SLC25A12: variants seen among roughly 807,000 people sequenced by gnomAD.
SLC25A12 encodes the protein electrogenic aspartate/glutamate antiporter SLC25A12, mitochondrial.
SLC25A12 carries 32 observed loss-of-function variants against 83.3 expected under a neutral mutation model. That is an observed-to-expected ratio of 0.38 (90% confidence interval 0.29 to 0.52). The LOEUF (loss-of-function observed/expected upper bound fraction) is 0.52. Ranked by LOEUF, SLC25A12 falls within the 20% of genes least tolerant of loss-of-function variation. The pLI, the probability that SLC25A12 is intolerant of heterozygous loss-of-function variation, is 0.84. For missense variants in SLC25A12, 611 were observed against 835.6 expected (o/e 0.73, Z 3.31); for synonymous variants, 267 against 291.1 (o/e 0.92, Z 0.84).
intron 5 of SLC25A12, among the ~76,000 whole-genome samples, chr2:171,839,299 A>G (rs942325053): frequency 6.6e-6 from 1 of 152,214 alleles, no homozygotes; most frequent in Non-Finnish European, 1.5e-5. Context: ...ACCCACACCT[A>G]AAGCCCATAG....
At chr2:171,868,226 C>A (rs1446772030) in intron 3 of SLC25A12, among the ~76,000 whole-genome samples, 1 of 151,318 alleles carries the variant, frequency 6.6e-6, no homozygotes, top group Non-Finnish European at 1.5e-5. Context: ...TTTCTAATTA[C>A]TAATGAGCAA....
chr2:171,806,845 C>T (rs1683844091), intron 13 of SLC25A12, among the ~76,000 whole-genome samples: 1 of 152,170 alleles, frequency 6.6e-6, no homozygotes, highest in Non-Finnish European at 1.5e-5. Context: ...ATAAGGACAC[C>T]GTACATCGTA....
chr2:171,809,763 A>G, intron 12 of SLC25A12, 77 bp from the exon 13 acceptor site: 1 of 1,008,158 alleles, frequency 9.9e-7, no homozygotes, highest in East Asian at 2.4e-5. Context: ...TTTCCAAGTC[A>G]GCAAAATATT....
intron 3 of SLC25A12, among the ~76,000 whole-genome samples, chr2:171,866,439 G>A (rs1244767414): frequency 6.9e-4 from 98 of 143,010 alleles, no homozygotes; most frequent in African/African-American, 2.5e-3. Context: ...CCTCCCGGAC[G>A]GGGCGGCTGG....
At chr2:171,881,647 A>G (rs1049392830) in intron 2 of SLC25A12, among the ~76,000 whole-genome samples, 29 of 152,086 alleles carry the variant, frequency 1.9e-4, no homozygotes, top group African/African-American at 6.3e-4. Flanking sequence ...AGAATGTTCT[A>G]TTTTTTTAAA....
At position 171,837,282 on chromosome 2, in the gene SLC25A12, G is replaced by C. The variant is rs756181662; in HGVS notation, c.466-15C>G. On this transcript the variant is annotated splice_polypyrimidine_tract_variant and intron_variant, in intron 5 of 17. Coordinates refer to ENST00000422440, the MANE Select transcript of SLC25A12 (RefSeq NM_003705.5). ...AATTGCAGCTCCTGTGAGGAAATTA[G>C]AAATAGGGCATTAAGCTGGTTAAAC... 8.1e-6 allele frequency: 13 copies of C among 1,613,730 alleles called. No individual in the cohort carries two copies. In the South Asian group the frequency reaches 1.3e-4, roughly 16 times the overall value.
intron 2 of SLC25A12, among the ~76,000 whole-genome samples, chr2:171,870,128 G>A (rs1172049985): frequency 6.6e-6 from 1 of 152,048 alleles, no homozygotes; most frequent in East Asian, 1.9e-4. Flanking sequence ...GCTTATAGTA[G>A]GCACTCAGTA....
Position 171,787,559 on chromosome 2 carries a change from C to A in SLC25A12, c.1835+12G>T, listed in dbSNP as rs1407152087. ...GTGATTTCTTTGTAAAGGAGTTGAG[C>A]AGCTGACTTACAGGCCTCCAAAATC... On this transcript the variant is annotated intron_variant, in intron 17 of 17. Transcript: ENST00000422440. The A allele has an allele frequency of 6.3e-7, 1 of 1,599,406 alleles. No homozygotes were observed. Among genetic ancestry groups the A allele is most frequent in the South Asian group, 1.1e-5 (1 of 90,760 alleles).
intron 14 of SLC25A12, among the ~76,000 whole-genome samples, chr2:171,792,940 A>T (rs1282090201): frequency 6.6e-6 from 1 of 152,208 alleles, no homozygotes; most frequent in African/African-American, 2.4e-5. Context: ...TATGGTGGCT[A>T]AATTTACGTA....
chr2:171,857,637 A>G (rs1685073650), intron 3 of SLC25A12, among the ~76,000 whole-genome samples: 1 of 152,104 alleles, frequency 6.6e-6, no homozygotes, highest in South Asian at 2.1e-4. Flanking sequence ...GTGAGCCAAG[A>G]TTGTGCCACT....
intron 13 of SLC25A12, among the ~76,000 whole-genome samples, chr2:171,801,136 A>C (rs575588634): frequency 3.6e-4 from 55 of 152,348 alleles, no homozygotes; most frequent in African/African-American, 1.3e-3. Context: ...TCATACACTT[A>C]TTAAAGGAAG....
intron 3 of SLC25A12, among the ~76,000 whole-genome samples, chr2:171,857,989 T>C (rs1340826790): frequency 6.6e-6 from 1 of 152,050 alleles, no homozygotes; most frequent in African/African-American, 2.4e-5. Flanking sequence ...TGAGTCCTAT[T>C]ATACTCAAGG....
intron 17 of SLC25A12, among the ~76,000 whole-genome samples, chr2:171,786,114 G>A (rs1260849680): frequency 1.3e-5 from 2 of 151,824 alleles, no homozygotes; most frequent in Non-Finnish European, 2.9e-5. Context: ...GGTGGCTCAC[G>A]CCTGTAATCC....
chr2:171,884,239 G>A (rs1054212343), intron 2 of SLC25A12, among the ~76,000 whole-genome samples: 69 of 149,302 alleles, frequency 4.6e-4, no homozygotes, highest in African/African-American at 1.7e-3. Context: ...CGCCCAGGCT[G>A]GAGTGCAATG....
chr2:171,848,739 G>A lies in SLC25A12; in HGVS notation c.326-4231C>T, dbSNP rs576369766. 2.6e-5 allele frequency among the ~76,000 whole-genome samples: 4 copies of A among 152,300 alleles called. No homozygotes were observed. The East Asian group carries it at 7.7e-4, about 29-fold the overall frequency. On this transcript the variant is annotated intron_variant, in intron 4 of 17. Transcript: ENST00000422440. ...AGACTTCTGGGTTCTCCTCTCAGAT[G>A]GTCATTAGTTTCCTGAATGACCTCC... is the stretch of plus-strand genomic sequence containing the variant.
At chr2:171,823,310 T>C (rs930837227) in intron 9 of SLC25A12, among the ~76,000 whole-genome samples, 1 of 152,188 alleles carries the variant, frequency 6.6e-6, no homozygotes. Context: ...ATAAAATCCA[T>C]TGATACATAC....
At chr2:171,809,462 A>T in intron 13 of SLC25A12, 144 bp downstream of exon 13, 2 of 745,116 alleles carry the variant, frequency 2.7e-6, no homozygotes, top group Non-Finnish European at 4.8e-6. Context: ...AATAAAATTT[A>T]AAACTTATTC....
intron 2 of SLC25A12, among the ~76,000 whole-genome samples, chr2:171,883,627 A>C (rs961726262): frequency 6.6e-5 from 10 of 152,132 alleles, no homozygotes; most frequent in Non-Finnish European, 4.4e-5. Context: ...CTGTTTGTTG[A>C]ACACATCAAA....
At position 171,838,228 on chromosome 2, in the gene SLC25A12, T is replaced by C. The variant is rs368054627; in HGVS notation, c.466-961A>G. Among the ~76,000 whole-genome samples the C allele has an allele frequency of 4.6e-5, 7 of 152,328 alleles. No homozygotes were observed. The South Asian group carries it at 1.4e-3, about 32-fold the overall frequency. On this transcript the variant is annotated intron_variant, in intron 5 of 17. Transcript: ENST00000422440. ...TTACTTATCAAAGACTACAAATTAA[T>C]GTTGCTTTAACTTTTCATGACATTA... is the stretch of plus-strand genomic sequence containing the variant.
Sources: gnomAD v4.1 joint callset for allele counts (sites outside exome capture counted in the v4.1 genomes callset) on GRCh38, gnomAD v4.1.1 for gene constraint, MANE v1.5 for transcripts, NCBI Gene and HGNC (gene_info 2026-07-23, HGNC 2026-07-21) for gene names.